The following RIMS4 variants were observed in gnomAD, a reference collection of about 807,000 sequenced individuals.
The protein encoded by RIMS4 is regulating synaptic membrane exocytosis protein 4.
In RIMS4, 9 loss-of-function variants were observed where a neutral mutation model predicts 29.0. The ratio of observed to expected loss-of-function variants is 0.31; its 90% confidence interval spans 0.19 to 0.54. RIMS4 has a LOEUF of 0.54. Ranked by LOEUF, RIMS4 falls within the 20% of genes least tolerant of loss-of-function variation. The pLI is 0.94. For synonymous variants in RIMS4, 130 were observed against 152.9 expected (o/e 0.85, Z 1.10); for missense variants, 193 against 365.7 (o/e 0.53, Z 3.85).
At chr20:44,782,186 A>ACT (rs2066187419) in intron 1 of RIMS4, among the ~76,000 whole-genome samples, 2 of 152,228 alleles carry the variant, frequency 1.3e-5, no homozygotes, top group Admixed American at 1.3e-4. Context: ...ATGTACTAGT[A>ACT]AGCTCTTATT....
At chr20:44,796,841 T>C (rs747808264) in intron 1 of RIMS4, among the ~76,000 whole-genome samples, 4 of 152,240 alleles carry the variant, frequency 2.6e-5, no homozygotes, top group Non-Finnish European at 4.4e-5. Flanking sequence ...TGAAGTCAAC[T>C]AATCTGGCTC....
Position 44,758,092 on chromosome 20 carries a change from G to T in RIMS4, c.329C>A (p.Thr110Asn). 6.2e-7 allele frequency: 1 copy of T among 1,611,618 alleles called. No homozygotes were observed. The highest frequency in any genetic ancestry group is 8.5e-7 in the Non-Finnish European group (1 of 1,178,500). ...MGPAQFVGRQ[T>N]LATTPMGDVE... is the part of the protein sequence containing the mutation. ...CTCACCCATGGGTGTGGTGGCCAGGGTCTGGCGGCCCACAAACTGTGCCGG... is the reference window on the plus strand; with the variant it reads ...CTCACCCATGGGTGTGGTGGCCAGGTTCTGGCGGCCCACAAACTGTGCCGG... Residue 110 changes from threonine (T) to asparagine (N), a missense_variant, in exon 3 of 6, where the codon ACC (threonine) becomes AAC (asparagine). By Grantham distance (65) the Thr-to-Asn change is moderately conservative. Coordinates refer to ENST00000372851, the MANE Select transcript of RIMS4 (RefSeq NM_182970.4).
chr20:44,809,841 A>G (rs1478682997), intron 1 of RIMS4, among the ~76,000 whole-genome samples: 1 of 151,940 alleles, frequency 6.6e-6, no homozygotes, highest in East Asian at 2.0e-4. Flanking sequence ...AAGAGTGGGC[A>G]CATTCAGGAG....
At chr20:44,806,998 C>A (rs73123579) in intron 1 of RIMS4, among the ~76,000 whole-genome samples, 2,208 of 152,194 alleles carry the variant, frequency 0.015, 26 homozygotes, top group Middle Eastern at 0.024. Context: ...TATTTTTCTT[C>A]TTCCTTACAG....
Position 44,752,013 on chromosome 20 carries a change from A to G in RIMS4, c.*4121T>C, listed in dbSNP as rs988000240. 6.6e-6 allele frequency: 1 copy of G among 152,096 alleles called. No homozygotes were observed. Among genetic ancestry groups the G allele is most frequent in the African/African-American group, 2.4e-5 (1 of 41,376 alleles). 9.4% of individuals were successfully genotyped at this position (152,096 alleles called of 1,614,324 possible). On this transcript the variant is annotated 3_prime_UTR_variant, in exon 6 of 6. Coordinates refer to ENST00000372851, the MANE Select transcript of RIMS4 (RefSeq NM_182970.4). ...GGACCCAGGCTCCTGCCTTCCCACC[A>G]CCCGTCCAGGAAGCAGTCATAAAGT...
At chr20:44,776,596 A>G (rs1002419450) in intron 1 of RIMS4, among the ~76,000 whole-genome samples, 2 of 152,204 alleles carry the variant, frequency 1.3e-5, no homozygotes, top group African/African-American at 2.4e-5. Context: ...TCTTCATCAT[A>G]TAATAGGGAT....
chr20:44,783,624 AAAAAAC>A (rs1270395228), intron 1 of RIMS4, among the ~76,000 whole-genome samples: 2 of 152,034 alleles, frequency 1.3e-5, no homozygotes, highest in African/African-American at 2.4e-5. Context: ...CCTGTCTCAA[AAAAAAC>A]AAAAACAAAA....
Position 44,796,230 on chromosome 20 carries a change from T to C in RIMS4, c.97+13945A>G, listed in dbSNP as rs1208057699. On this transcript the variant is annotated intron_variant, in intron 1 of 5. Coordinates refer to ENST00000372851, the MANE Select transcript of RIMS4 (RefSeq NM_182970.4). ...TTCCCAGCACCCTGTACTTGTCTTA[T>C]ATGCCTCTTTATCACAGGCATGATC... 3.9e-5 allele frequency among the ~76,000 whole-genome samples: 6 copies of C among 152,054 alleles called. No individual in the cohort carries two copies. The East Asian group carries it at 9.7e-4, about 24-fold the overall frequency.
At chr20:44,775,442 A>T (rs1350287224) in intron 1 of RIMS4, among the ~76,000 whole-genome samples, 1 of 152,086 alleles carries the variant, frequency 6.6e-6, no homozygotes, top group African/African-American at 2.4e-5. Flanking sequence ...GCAGAGCTAG[A>T]AGTGTCTGGA....
At chr20:44,757,089 G>T in intron 4 of RIMS4, 52 bp from the exon 5 acceptor site, 3 of 1,590,108 alleles carry the variant, frequency 1.9e-6, no homozygotes, top group Non-Finnish European at 2.6e-6. Flanking sequence ...TCAAATGGTG[G>T]GCAAAGGGTG....
At chr20:44,795,587 G>A (rs1032555715) in intron 1 of RIMS4, among the ~76,000 whole-genome samples, 3 of 151,972 alleles carry the variant, frequency 2.0e-5, no homozygotes, top group South Asian at 4.2e-4. Context: ...AGCCAAGATC[G>A]TGCCACTGCA....
At chr20:44,803,570 C>T (rs1261424629) in intron 1 of RIMS4, among the ~76,000 whole-genome samples, 3 of 152,048 alleles carry the variant, frequency 2.0e-5, no homozygotes, top group East Asian at 1.9e-4. Context: ...TAATGAAGTG[C>T]GCACTGCTAA....
At chr20:44,801,328 G>C (rs985638073) in intron 1 of RIMS4, among the ~76,000 whole-genome samples, 2 of 152,102 alleles carry the variant, frequency 1.3e-5, no homozygotes, top group African/African-American at 4.8e-5. Flanking sequence ...ATCAAGGTTG[G>C]TCCCCTGCCT....
intron 1 of RIMS4, among the ~76,000 whole-genome samples, chr20:44,773,793 G>GT (rs1477145564): frequency 6.6e-6 from 1 of 152,174 alleles, no homozygotes; most frequent in African/African-American, 2.4e-5. Context: ...CCCCACACAG[G>GT]TGAGCATGCC....
chr20:44,796,788 G>C (rs1403815928), intron 1 of RIMS4, among the ~76,000 whole-genome samples: 1 of 152,200 alleles, frequency 6.6e-6, no homozygotes, highest in Non-Finnish European at 1.5e-5. Flanking sequence ...GAAGAAGCTG[G>C]GTTTTGCCTG....
chr20:44,775,212 G>T (rs2066154687), intron 1 of RIMS4, among the ~76,000 whole-genome samples: 1 of 152,082 alleles, frequency 6.6e-6, no homozygotes, highest in Admixed American at 6.5e-5. Context: ...GCCTCTGCTT[G>T]TCGTCCATCA....
At chr20:44,761,036 C>G (rs2066082654) in intron 2 of RIMS4, among the ~76,000 whole-genome samples, 1 of 152,098 alleles carries the variant, frequency 6.6e-6, no homozygotes, top group Non-Finnish European at 1.5e-5. Context: ...TACACAGATT[C>G]TCTCCACATA....
intron 1 of RIMS4, among the ~76,000 whole-genome samples, chr20:44,800,292 G>A (rs112439219): frequency 2.0e-4 from 31 of 152,050 alleles, no homozygotes; most frequent in African/African-American, 6.8e-4. Flanking sequence ...GGATAGCTGA[G>A]TAGAAGGGAG....
At chr20:44,794,019 T>C (rs906655510) in intron 1 of RIMS4, among the ~76,000 whole-genome samples, 1 of 152,200 alleles carries the variant, frequency 6.6e-6, no homozygotes, top group African/African-American at 2.4e-5. Context: ...CAGTGGGCCA[T>C]GACTGAGCCA....
Sources: gnomAD v4.1 joint callset for allele counts (sites outside exome capture counted in the v4.1 genomes callset) on GRCh38, gnomAD v4.1.1 for gene constraint, MANE v1.5 for transcripts, NCBI Gene and HGNC (gene_info 2026-07-23, HGNC 2026-07-21) for gene names.